Variants in WASHC2C observed in about 807,000 individuals in gnomAD.
The protein encoded by WASHC2C is Vaccinia Penetration Factor.
WASHC2C carries 73 observed loss-of-function variants against 142.2 expected under a neutral mutation model. The observed-to-expected ratio is 0.51, with a 90% CI of 0.43 to 0.62. WASHC2C has a LOEUF of 0.62. WASHC2C is among the 20% of genes least tolerant of loss of function. The probability of loss-of-function intolerance (pLI) is 0.00; values close to 1 mark genes in which losing one functional copy is unlikely to be tolerated. For missense variants in WASHC2C, 969 were observed against 1,531.7 expected (o/e 0.63, Z 6.13); for synonymous variants, 337 against 565.5 (o/e 0.60, Z 5.73).
intron 3 of WASHC2C, among the ~76,000 whole-genome samples, chr10:45,734,911 A>G (rs2051033496): frequency 6.6e-6 from 1 of 151,578 alleles, no homozygotes; most frequent in African/African-American, 2.4e-5. Flanking sequence ...CTTTTTACCT[A>G]GAGAGGGATT....
intron 13 of WASHC2C, 61 bp downstream of exon 13, chr10:45,753,298 T>G: frequency 2.5e-6 from 3 of 1,187,888 alleles, no homozygotes; most frequent in Non-Finnish European, 2.3e-6. Context: ...TCTTTCTCAC[T>G]AGGAGATGGA....
chr10:45,785,034 A>T, intron 25 of WASHC2C, 133 bp downstream of exon 25: 2 of 1,591,854 alleles, frequency 1.3e-6, no homozygotes, highest in Non-Finnish European at 1.7e-6. Flanking sequence ...GGCAAATAAC[A>T]TGCCGAGGGG....
intron 3 of WASHC2C, among the ~76,000 whole-genome samples, chr10:45,733,688 C>G (rs553515576): frequency 3.9e-5 from 6 of 152,190 alleles, no homozygotes; most frequent in Non-Finnish European, 8.8e-5. Context: ...GGCTTTCTAG[C>G]TGCAGGCTGC....
chr10:45,737,885 C>A, intron 3 of WASHC2C, 98 bp from the exon 4 acceptor site: 1 of 1,609,990 alleles, frequency 6.2e-7, no homozygotes, highest in Non-Finnish European at 8.5e-7. Context: ...CCATTTCCTT[C>A]CGCATCTTTG....
chr10:45,771,747 A>C, intron 20 of WASHC2C: 1 of 446,044 alleles, frequency 2.2e-6, no homozygotes, highest in Non-Finnish European at 3.0e-6. Flanking sequence ...CACACACAAG[A>C]AGAAGTTGAG....
intron 7 of WASHC2C, among the ~76,000 whole-genome samples, chr10:45,746,315 C>G (rs2052825931): frequency 6.7e-6 from 1 of 150,090 alleles, no homozygotes; most frequent in African/African-American, 2.5e-5. Flanking sequence ...AATCCAAAGG[C>G]AAGAGTTGAA....
intron 23 of WASHC2C, among the ~76,000 whole-genome samples, chr10:45,781,185 A>G (rs2057475336): frequency 6.6e-6 from 1 of 152,166 alleles, no homozygotes; most frequent in Non-Finnish European, 1.5e-5. Flanking sequence ...AGACTTGTAA[A>G]CTAAAATCTA....
chr10:45,784,112 T>G (rs1554888764), intron 23 of WASHC2C, among the ~76,000 whole-genome samples: 1 of 151,754 alleles, frequency 6.6e-6, no homozygotes, highest in African/African-American at 2.4e-5. Context: ...GTTTTTTACC[T>G]TCAAAATGTT....
intron 17 of WASHC2C, among the ~76,000 whole-genome samples, chr10:45,759,734 A>T (rs1333918732): frequency 3.3e-5 from 5 of 152,134 alleles, no homozygotes; most frequent in Non-Finnish European, 7.3e-5. Flanking sequence ...TAGGAGATTC[A>T]CTTGAACCCG....
intron 27 of WASHC2C, 41 bp from the exon 28 acceptor site, chr10:45,786,994 G>A (rs782462895): frequency 5.0e-6 from 8 of 1,605,088 alleles, no homozygotes; most frequent in South Asian, 1.1e-5. Flanking sequence ...ATAGACTGCT[G>A]TGTTGAAGAA....
intron 17 of WASHC2C, among the ~76,000 whole-genome samples, chr10:45,762,306 A>G (rs367960122): frequency 2.0e-5 from 3 of 151,734 alleles, no homozygotes; most frequent in East Asian, 3.9e-4. Flanking sequence ...TCTGCCTTCC[A>G]GGTTCAAGCA....
At chr10:45,756,679 T>C (rs1335194849) in intron 15 of WASHC2C, among the ~76,000 whole-genome samples, 2 of 152,220 alleles carry the variant, frequency 1.3e-5, no homozygotes, top group Non-Finnish European at 2.9e-5. Context: ...ATGATTGACT[T>C]GGTGGCCCTC....
chr10:45,785,545 T>A lies in WASHC2C; in HGVS notation c.2725T>A (p.Ser909Thr), dbSNP rs782496469. 6.2e-7 allele frequency: 1 copy of A among 1,613,958 alleles called. No homozygotes were observed. The highest frequency in any genetic ancestry group is 1.1e-5 in the South Asian group (1 of 91,068). The change falls in exon 26 of 31, where the codon TCT (serine) becomes ACT (threonine). Residue 909 changes from serine to threonine, a missense_variant. Coordinates refer to ENST00000623400, the MANE Select transcript of WASHC2C (RefSeq NM_001330074.2). ...EKKRVVKKDH[S>T]VNSFKNQKHP... ...AAAGAGAGTAGTGAAAAAAGACCAC[T>A]CTGTTAACTCTTTCAAAAACCAGAA...
At chr10:45,770,603 G>C (rs1327901747) in intron 20 of WASHC2C, among the ~76,000 whole-genome samples, 20 of 152,148 alleles carry the variant, frequency 1.3e-4, no homozygotes, top group African/African-American at 4.3e-4. Context: ...GTGGTTAAGC[G>C]TCATTTGATA....
At chr10:45,776,100 T>C (rs2057051931) in intron 21 of WASHC2C, among the ~76,000 whole-genome samples, 1 of 152,242 alleles carries the variant, frequency 6.6e-6, no homozygotes, top group African/African-American at 2.4e-5. Context: ...AGTGTTCTTT[T>C]ATGTCAAGTT....
At chr10:45,741,123 T>A (rs1271336693) in intron 5 of WASHC2C, among the ~76,000 whole-genome samples, 1 of 151,956 alleles carries the variant, frequency 6.6e-6, no homozygotes, top group Non-Finnish European at 1.5e-5. Context: ...AATTTTTGTA[T>A]TTTTAGTATA....
chr10:45,782,469 T>C (rs1328957238), intron 23 of WASHC2C, among the ~76,000 whole-genome samples: 2 of 149,444 alleles, frequency 1.3e-5, no homozygotes, highest in Non-Finnish European at 1.5e-5. Flanking sequence ...TAACGAGTGT[T>C]GGTAAGGATG....
At chr10:45,765,897 T>C (rs1338389182) in intron 19 of WASHC2C, 87 bp downstream of exon 19, 1 of 1,551,882 alleles carries the variant, frequency 6.4e-7, no homozygotes, top group Non-Finnish European at 8.7e-7. Context: ...CTACCTGTTT[T>C]ATATCTCGTG....
At chr10:45,763,148 CT>C (rs2055346833) in intron 17 of WASHC2C, among the ~76,000 whole-genome samples, 2 of 152,230 alleles carry the variant, frequency 1.3e-5, no homozygotes, top group African/African-American at 4.8e-5. Flanking sequence ...ACAGAAGCCC[CT>C]GGGCTCTGCG....
Sources: allele counts gnomAD v4.1 joint callset (sites outside exome capture counted in the v4.1 genomes callset), GRCh38; gene constraint gnomAD v4.1.1; transcripts MANE v1.5; gene names NCBI Gene and HGNC (gene_info 2026-07-23, HGNC 2026-07-21).